Variants in PLEKHA8 observed in about 807,000 individuals in gnomAD.
PLEKHA8 encodes pleckstrin homology domain containing A8.
PLEKHA8 carries 36 observed loss-of-function variants against 68.2 expected under a neutral mutation model. The ratio of observed to expected loss-of-function variants is 0.53; its 90% confidence interval spans 0.40 to 0.70. The LOEUF is 0.70. PLEKHA8 is among the 30% of genes least tolerant of loss of function. The pLI is 0.00. For missense variants in PLEKHA8, 505 were observed against 615.4 expected, an observed-to-expected ratio of 0.82 and a Z score of 1.90; for synonymous variants, 211 against 216.1, an observed-to-expected ratio of 0.98 and a Z score of 0.20.
At chr7:30,029,707 A>G (rs1456265936) in intron 1 of PLEKHA8, among the ~76,000 whole-genome samples, 1 of 152,252 alleles carries the variant, frequency 6.6e-6, no homozygotes. Context: ...GTTTGAAAGC[A>G]GAAATGTTCC....
In PLEKHA8 at chr7:30,060,909, T is replaced by G; in HGVS notation, c.1065T>G (p.Ala355=). The G allele has an allele frequency of 6.2e-7, 1 of 1,613,662 alleles. No individual in the cohort carries two copies. Among genetic ancestry groups the G allele is most frequent in the Non-Finnish European group, 8.5e-7 (1 of 1,179,778 alleles). Residue 355 remains alanine, a synonymous_variant, in exon 10 of 14, where the codon GCT becomes GCG. Transcript: ENST00000449726. The part of the protein sequence containing the change: ...VLDKLGPTVF[A]PVKMDLVGNI... ...ACAAACTTGGCCCTACAGTGTTTGC[T>G]CCTGTTAAGATGGATCTTGTTGGAA...
chr7:30,078,969 C>G lies in PLEKHA8; in HGVS notation c.*182C>G, dbSNP rs553886286. Reference sequence around the variant, plus strand: ...ATGCATATGTGTTTTGTTTAAAGATCAAGGTGCTATATATTTCAGTTCAGC... The same window carrying G: ...ATGCATATGTGTTTTGTTTAAAGATGAAGGTGCTATATATTTCAGTTCAGC... On this transcript the variant is annotated 3_prime_UTR_variant, in exon 14 of 14. Transcript: ENST00000449726. 2.8e-6 allele frequency: 4 copies of G among 1,407,834 alleles called. No individual in the cohort carries two copies. The South Asian group carries it at 6.5e-5, about 23-fold the overall frequency. 87.2% of individuals were successfully genotyped at this position (1,407,834 alleles called of 1,614,324 possible).
chr7:30,063,709 C>T (rs1328814503), intron 12 of PLEKHA8, among the ~76,000 whole-genome samples: 2 of 152,152 alleles, frequency 1.3e-5, no homozygotes, highest in African/African-American at 2.4e-5. Context: ...TGAGAGCTGA[C>T]ATTTCTATAG....
chr7:30,056,020 G>A (rs1792824074), intron 9 of PLEKHA8, among the ~76,000 whole-genome samples: 1 of 147,658 alleles, frequency 6.8e-6, no homozygotes, highest in African/African-American at 2.5e-5. Context: ...TCCACTCACT[G>A]CAAGCTCCGC....
exon 13 of PLEKHA8, chr7:30,090,289 A>C: frequency 7.7e-7 from 1 of 1,303,260 alleles, no homozygotes; most frequent in Non-Finnish European, 1.1e-6. Flanking sequence ...TTTCCACAAG[A>C]TTCTGTGACG....
At position 30,079,360 on chromosome 7, in the gene PLEKHA8, C is replaced by T. The variant is rs766920868; in HGVS notation, c.*573C>T. On this transcript the variant is annotated 3_prime_UTR_variant, in exon 14 of 14. Coordinates refer to ENST00000449726, the MANE Select transcript of PLEKHA8 (RefSeq NM_001197026.2). ...CACATGACCATGCAATTGTGGGAGG[C>T]GAAGAAGACGTGGACAGGAGTCCCA... 4 of 985,744 alleles carry T rather than the reference C, an allele frequency of 4.1e-6. No individual in the cohort carries two copies. Among genetic ancestry groups the T allele is most frequent in the Non-Finnish European group, 3.6e-6 (3 of 830,318 alleles). The allele number at this position is 985,744 out of a possible 1,614,324, so 61.1% of individuals were successfully genotyped here. A position where few individuals can be genotyped will look rare whatever the true frequency, so the allele number is the denominator to read the frequency against.
At chr7:30,041,987 T>C (rs1791576913) in intron 1 of PLEKHA8, among the ~76,000 whole-genome samples, 1 of 152,172 alleles carries the variant, frequency 6.6e-6, no homozygotes, top group South Asian at 2.1e-4. Context: ...TGTAAGGATG[T>C]TGTGGAGGCG....
At position 30,083,370 on chromosome 7, in the gene PLEKHA8, T is replaced by A; in HGVS notation, c.*4583T>A. On this transcript the variant is annotated 3_prime_UTR_variant, in exon 14 of 14. Transcript: ENST00000449726. ...TGTCTAATGGTATTTTAAGACTGTT[T>A]ATCTGTATCACAACGTCATTAGGAG... The A allele has an allele frequency of 1.0e-6, 1 of 984,124 alleles. No homozygotes were observed. The highest frequency in any genetic ancestry group is 1.2e-6 in the Non-Finnish European group (1 of 828,716). 61.0% of individuals were successfully genotyped at this position (984,124 alleles called of 1,614,324 possible). A position where few individuals can be genotyped will look rare whatever the true frequency, so the allele number is the denominator to read the frequency against.
intron 13 of PLEKHA8, among the ~76,000 whole-genome samples, chr7:30,103,328 C>T (rs970108796): frequency 2.6e-5 from 4 of 152,104 alleles, no homozygotes; most frequent in African/African-American, 7.2e-5. Flanking sequence ...GAATTGTATA[C>T]TTGAATTGTA....
At position 30,080,181 on chromosome 7, in the gene PLEKHA8, G is replaced by A; in HGVS notation, c.*1394G>A. On this transcript the variant is annotated 3_prime_UTR_variant, in exon 14 of 14. Coordinates refer to ENST00000449726, the MANE Select transcript of PLEKHA8 (RefSeq NM_001197026.2). ...TTGAAAGATGAGACTTAAGAAAACA[G>A]TTTCTTAAACTTCTTAAAACTTAAG... 1.0e-6 allele frequency: 1 copy of A among 984,994 alleles called. No individual in the cohort carries two copies. Among genetic ancestry groups the A allele is most frequent in the Non-Finnish European group, 1.2e-6 (1 of 829,584 alleles). 61.0% of individuals were successfully genotyped at this position (984,994 alleles called of 1,614,324 possible).
At chr7:30,048,213 A>G (rs1792117443) in intron 4 of PLEKHA8, among the ~76,000 whole-genome samples, 1 of 152,202 alleles carries the variant, frequency 6.6e-6, no homozygotes, top group Non-Finnish European at 1.5e-5. Context: ...ATGCGTGTGT[A>G]TAGCTTTCCT....
At chr7:30,098,161 G>A (rs186753189) in intron 13 of PLEKHA8, among the ~76,000 whole-genome samples, 401 of 152,302 alleles carry the variant, frequency 2.6e-3, no homozygotes, top group African/African-American at 6.1e-3. Context: ...AACCGCAAAC[G>A]CTGCTGCCTG....
At position 30,100,763 on chromosome 7, in the gene PLEKHA8, A is replaced by G. The variant is rs182667670; in HGVS notation, c.1362+26631A>G. Among the ~76,000 whole-genome samples the G allele has an allele frequency of 1.3e-3, 191 of 152,312 alleles. 1 individual carries two copies. Among genetic ancestry groups the G allele is most frequent in the African/African-American group, 4.4e-3 (183 of 41,578 alleles). On this transcript the variant is annotated intron_variant, in intron 13 of 13. Transcript: ENST00000396257. ...GCAGTAACTCAAGAAAAGACAATAA[A>G]AGGTATACAGATTGAAAAGGAAGAA...
chr7:30,073,988 T>TA (rs377361906), intron 12 of PLEKHA8, 83 bp from the exon 13 acceptor site: 85,830 of 861,356 alleles, frequency 0.1, 39 homozygotes, highest in East Asian at 0.11. Context: ...CCTGTCTCTT[T>TA]AAAAAAAAAA....
intron 12 of PLEKHA8, among the ~76,000 whole-genome samples, chr7:30,070,095 T>C (rs1794133380): frequency 6.6e-6 from 1 of 152,172 alleles, no homozygotes; most frequent in Non-Finnish European, 1.5e-5. Context: ...GCAGGGATAT[T>C]TGCAGCGTAG....
In PLEKHA8 at chr7:30,083,561, AT is replaced by A. The variant is rs1795048417; in HGVS notation, c.*4776del. Reference sequence around the variant, plus strand: ...CACTCCAGGGCATGATTAAACAGTCATTAACAGTGCCTCTCTGGTACAGTTG... The same window carrying A: ...CACTCCAGGGCATGATTAAACAGTCATAACAGTGCCTCTCTGGTACAGTTG... On this transcript the variant is annotated 3_prime_UTR_variant, in exon 14 of 14. Transcript: ENST00000449726. 1.0e-6 allele frequency: 1 copy of A among 985,330 alleles called. No homozygotes were observed. Among genetic ancestry groups the A allele is most frequent in the African/African-American group, 1.7e-5 (1 of 57,240 alleles). 61.0% of individuals were successfully genotyped at this position (985,330 alleles called of 1,614,324 possible).
rs750045517 is a variant in PLEKHA8, at chr7:30,078,833, G to C, written c.*46G>C. Reference sequence around the variant, plus strand: ...CTAACTTCAGGGAATAAGTGCTAAAGTGTTTTGTTGCCCTACTTAATTTCC... The same window carrying C: ...CTAACTTCAGGGAATAAGTGCTAAACTGTTTTGTTGCCCTACTTAATTTCC... On this transcript the variant is annotated 3_prime_UTR_variant, in exon 14 of 14. Transcript: ENST00000449726. 1 of 1,582,552 alleles carries C rather than the reference G, an allele frequency of 6.3e-7. No homozygotes were observed. The highest frequency in any genetic ancestry group is 1.2e-5 in the South Asian group (1 of 86,488).
chr7:30,096,248 G>GT (rs1309743515), intron 13 of PLEKHA8, among the ~76,000 whole-genome samples: 2 of 152,236 alleles, frequency 1.3e-5, no homozygotes, highest in Non-Finnish European at 2.9e-5. Flanking sequence ...CACATCCCTT[G>GT]TAAGTTGGAT....
chr7:30,043,221 T>C (rs921121173), intron 1 of PLEKHA8, among the ~76,000 whole-genome samples: 3 of 152,150 alleles, frequency 2.0e-5, no homozygotes, highest in African/African-American at 7.2e-5. Context: ...GGTCTGGAAC[T>C]CCTGGCCTCA....
Sources: allele counts gnomAD v4.1 joint callset (sites outside exome capture counted in the v4.1 genomes callset), GRCh38; gene constraint gnomAD v4.1.1; transcripts MANE v1.5; gene names NCBI Gene and HGNC (gene_info 2026-07-23, HGNC 2026-07-21).